TYR: variants seen among roughly 807,000 people sequenced by gnomAD.
The protein encoded by TYR is tyrosinase.
TYR carries 58 observed loss-of-function variants against 51.5 expected under a neutral mutation model. The observed-to-expected ratio is 1.13, with a 90% CI of 0.91 to 1.40. The LOEUF is 1.40. TYR is among the 40% of genes most tolerant of loss of function. The pLI, the probability that TYR is intolerant of heterozygous loss-of-function variation, is 0.00. For missense variants in TYR, 732 were observed against 647.4 expected, an observed-to-expected ratio of 1.13 and a Z score of -1.42; for synonymous variants, 263 against 235.2, an observed-to-expected ratio of 1.12 and a Z score of -1.08.
intron 2 of TYR, among the ~76,000 whole-genome samples, chr11:89,194,031 T>C (rs1219546588): frequency 6.6e-6 from 1 of 152,202 alleles, no homozygotes; most frequent in Non-Finnish European, 1.5e-5. Flanking sequence ...ATTGATATAA[T>C]GCTTTTATCA....
At chr11:89,214,964 T>C (rs1943813319) in intron 2 of TYR, among the ~76,000 whole-genome samples, 1 of 152,202 alleles carries the variant, frequency 6.6e-6, no homozygotes, top group Admixed American at 6.5e-5. Flanking sequence ...ATGGTGCTAA[T>C]ATTTGTAGCC....
intron 3 of TYR, among the ~76,000 whole-genome samples, chr11:89,273,306 T>C (rs1261466343): frequency 6.6e-6 from 1 of 151,850 alleles, no homozygotes; most frequent in Non-Finnish European, 1.5e-5. Flanking sequence ...TTAATTGACC[T>C]AATTTCAATA....
intron 3 of TYR, among the ~76,000 whole-genome samples, chr11:89,233,068 ACTT>A: frequency 7.0e-6 from 1 of 143,666 alleles, no homozygotes. Flanking sequence ...CTATAGTAAA[ACTT>A]CTTACAAAAT....
intron 2 of TYR, among the ~76,000 whole-genome samples, chr11:89,206,919 A>T (rs1340565705): frequency 6.6e-6 from 1 of 152,150 alleles, no homozygotes; most frequent in Non-Finnish European, 1.5e-5. Flanking sequence ...AAATACATTT[A>T]AATAAATAAA....
chr11:89,234,357 T>C (rs1439773485), intron 3 of TYR, among the ~76,000 whole-genome samples: 1 of 143,908 alleles, frequency 6.9e-6, no homozygotes, highest in Non-Finnish European at 1.5e-5. Context: ...TAAAATTTTC[T>C]TCATATCAGC....
intron 2 of TYR, among the ~76,000 whole-genome samples, chr11:89,202,228 C>A (rs1174037163): frequency 6.6e-6 from 1 of 152,018 alleles, no homozygotes; most frequent in Non-Finnish European, 1.5e-5. Context: ...TGTTTTCCTG[C>A]AATGGTACAT....
At chr11:89,199,210 G>T (rs185513492) in intron 2 of TYR, among the ~76,000 whole-genome samples, 14 of 152,062 alleles carry the variant, frequency 9.2e-5, no homozygotes, top group Non-Finnish European at 4.4e-5. Context: ...GAATAGTGCC[G>T]CAATAAACAT....
intron 3 of TYR, among the ~76,000 whole-genome samples, chr11:89,270,726 T>C (rs1256102847): frequency 3.3e-5 from 5 of 151,974 alleles, no homozygotes; most frequent in Middle Eastern, 3.4e-3. Flanking sequence ...CTTGAACAAT[T>C]TGAAAAAATT....
intron 2 of TYR, among the ~76,000 whole-genome samples, chr11:89,219,041 A>G (rs576671843): frequency 8.5e-5 from 13 of 152,302 alleles, no homozygotes; most frequent in African/African-American, 2.9e-4. Context: ...CTCATATGCT[A>G]TTGTGAAGAT....
chr11:89,212,483 T>C (rs1340227027), intron 2 of TYR, among the ~76,000 whole-genome samples: 1 of 152,068 alleles, frequency 6.6e-6, no homozygotes, highest in East Asian at 1.9e-4. Flanking sequence ...ATCAGATGGA[T>C]TCACAGCCGA....
At chr11:89,181,321 G>A (rs1943296823) in intron 1 of TYR, among the ~76,000 whole-genome samples, 1 of 152,168 alleles carries the variant, frequency 6.6e-6, no homozygotes, top group African/African-American at 2.4e-5. Flanking sequence ...GGGCCTTCAA[G>A]TGTTTGCATT....
intron 3 of TYR, among the ~76,000 whole-genome samples, chr11:89,259,433 C>A (rs1031054038): frequency 3.3e-5 from 5 of 151,988 alleles, no homozygotes; most frequent in African/African-American, 1.2e-4. Flanking sequence ...GGCAGACTAC[C>A]CAAAGCTATA....
chr11:89,270,312 T>C (rs563935419), intron 3 of TYR, among the ~76,000 whole-genome samples: 46 of 151,988 alleles, frequency 3.0e-4, no homozygotes, highest in African/African-American at 1.1e-3. Context: ...TAAGTTCAAG[T>C]GTCACCAAAG....
intron 3 of TYR, among the ~76,000 whole-genome samples, chr11:89,256,538 GA>G (rs1296334570): frequency 2.0e-5 from 3 of 151,704 alleles, no homozygotes; most frequent in African/African-American, 7.2e-5. Flanking sequence ...AGAAAAAACA[GA>G]AACAATGCTA....
At chr11:89,242,241 TC>T (rs1237963934) in intron 3 of TYR, among the ~76,000 whole-genome samples, 1 of 152,136 alleles carries the variant, frequency 6.6e-6, no homozygotes, top group African/African-American at 2.4e-5. Context: ...GGGGTCTTTC[TC>T]TGTTGTCCAG....
chr11:89,199,085 T>A (rs979499307), intron 2 of TYR, among the ~76,000 whole-genome samples: 7 of 152,176 alleles, frequency 4.6e-5, no homozygotes, highest in East Asian at 1.9e-4. Flanking sequence ...AAAAAGGACA[T>A]GAACTCATCC....
At chr11:89,244,782 A>G (rs949551922) in intron 3 of TYR, among the ~76,000 whole-genome samples, 9 of 152,240 alleles carry the variant, frequency 5.9e-5, no homozygotes, top group African/African-American at 1.9e-4. Flanking sequence ...TAATTCAACT[A>G]ACATTAAGTA....
Position 89,190,001 on chromosome 11 carries a change from A to G in TYR, c.820-1201A>G, listed in dbSNP as rs1202502673. Among the ~76,000 whole-genome samples, 3 of 152,152 alleles carry G rather than the reference A, an allele frequency of 2.0e-5. No individual in the cohort carries two copies. In the East Asian group the frequency reaches 5.8e-4, roughly 29 times the overall value. On this transcript the variant is annotated intron_variant, in intron 1 of 4. Coordinates refer to ENST00000263321, the MANE Select transcript of TYR (RefSeq NM_000372.5). ...GCAGTCATAATATTATACACAATGC[A>G]TTACTCATGTCTTCGTGGTGATGCT...
intron 3 of TYR, among the ~76,000 whole-genome samples, chr11:89,242,249 C>T (rs1161532756): frequency 6.6e-6 from 1 of 151,966 alleles, no homozygotes; most frequent in African/African-American, 2.4e-5. Flanking sequence ...TCTCTGTTGT[C>T]CAGGCTGGAG....
Sources: gnomAD v4.1 joint callset for allele counts (sites outside exome capture counted in the v4.1 genomes callset) on GRCh38, gnomAD v4.1.1 for gene constraint, MANE v1.5 for transcripts, NCBI Gene and HGNC (gene_info 2026-07-23, HGNC 2026-07-21) for gene names.